Variants in RAF1 observed in about 807,000 individuals in gnomAD.
RAF1 encodes the protein Raf-1 proto-oncogene, serine/threonine kinase.
RAF1 carries 27 observed loss-of-function variants against 81.1 expected under a neutral mutation model. The observed-to-expected ratio is 0.33, with a 90% CI of 0.25 to 0.46. The LOEUF (loss-of-function observed/expected upper bound fraction) is 0.46. RAF1 is among the 20% of genes least tolerant of loss of function. The probability of loss-of-function intolerance (pLI) is 1.00; values close to 1 mark genes in which losing one functional copy is unlikely to be tolerated. For missense variants in RAF1, 598 were observed against 826.0 expected (o/e 0.72, Z 3.38); for synonymous variants, 298 against 294.0 (o/e 1.01, Z -0.14).
chr3:12,592,068 C>T (rs140776612), intron 11 of RAF1: 111 of 478,038 alleles, frequency 2.3e-4, no homozygotes, highest in Admixed American at 5.6e-4. Flanking sequence ...CCAATCTCTA[C>T]ATAATTCAAA....
intron 1 of RAF1, among the ~76,000 whole-genome samples, chr3:12,641,421 A>T (rs1464084370): frequency 6.6e-6 from 1 of 151,382 alleles, no homozygotes; most frequent in African/African-American, 2.4e-5. Context: ...AAATAGTTCC[A>T]CTTACAGGAA....
At chr3:12,595,267 G>A (rs1250139052) in intron 11 of RAF1, among the ~76,000 whole-genome samples, 2 of 151,958 alleles carry the variant, frequency 1.3e-5, no homozygotes, top group Non-Finnish European at 2.9e-5. Context: ...AGAGACAAGG[G>A]TCTCATGTTG....
intron 1 of RAF1, among the ~76,000 whole-genome samples, chr3:12,652,052 A>AAATG (rs1317170327): frequency 4.6e-5 from 6 of 130,564 alleles, no homozygotes; most frequent in African/African-American, 1.1e-4. Flanking sequence ...ATAAATAAAT[A>AAATG]AATGATATAA....
At chr3:12,602,978 CTAAG>C (rs1262236890) in intron 8 of RAF1, among the ~76,000 whole-genome samples, 4 of 152,266 alleles carry the variant, frequency 2.6e-5, no homozygotes, top group Middle Eastern at 3.4e-3. Flanking sequence ...TGAGCACCAA[CTAAG>C]TAAGTCTAAC....
At chr3:12,631,710 AC>A (rs1181729123) in intron 1 of RAF1, among the ~76,000 whole-genome samples, 3 of 152,228 alleles carry the variant, frequency 2.0e-5, no homozygotes, top group Non-Finnish European at 2.9e-5. Flanking sequence ...ACAGAAGAAC[AC>A]CCACCACAGG....
At chr3:12,632,680 T>C (rs1303298060) in intron 1 of RAF1, among the ~76,000 whole-genome samples, 1 of 152,190 alleles carries the variant, frequency 6.6e-6, no homozygotes, top group African/African-American at 2.4e-5. Flanking sequence ...CCCGAAGAGC[T>C]CTCTGAAACT....
chr3:12,635,960 G>A (rs1218092025), intron 1 of RAF1, among the ~76,000 whole-genome samples: 4 of 149,314 alleles, frequency 2.7e-5, no homozygotes, highest in Non-Finnish European at 5.9e-5. Context: ...GCGAAAGTGC[G>A]AGACTCCACC....
intron 1 of RAF1, among the ~76,000 whole-genome samples, chr3:12,656,924 G>A (rs909120128): frequency 6.6e-6 from 1 of 151,524 alleles, no homozygotes; most frequent in African/African-American, 2.4e-5. Flanking sequence ...TTGAACCCGG[G>A]AGACAGAGGT....
At chr3:12,592,238 T>C (rs971879468) in intron 11 of RAF1, among the ~76,000 whole-genome samples, 6 of 152,182 alleles carry the variant, frequency 3.9e-5, no homozygotes, top group African/African-American at 1.4e-4. Flanking sequence ...TGCATACATA[T>C]GAATGGCCTG....
At chr3:12,636,730 C>T (rs1371770640) in intron 1 of RAF1, among the ~76,000 whole-genome samples, 1 of 151,872 alleles carries the variant, frequency 6.6e-6, no homozygotes, top group Admixed American at 6.6e-5. Flanking sequence ...TCACTTGAGC[C>T]TGGGAGGTGG....
Position 12,628,913 on chromosome 3 carries a change from G to A in RAF1, c.-26-10166C>T, listed in dbSNP as rs143532939. Among the ~76,000 whole-genome samples the A allele has an allele frequency of 5.8e-3, 885 of 152,026 alleles. 13 individuals are homozygous for A. The Middle Eastern group carries it at 0.082, about 14-fold the overall frequency. ...ACTGCAGGTGTGAGCCACCATGCTG[G>A]CTAATTTTTGTATATTTAGTAGAGA... On this transcript the variant is annotated intron_variant, in intron 1 of 17. Coordinates refer to ENST00000442415, the MANE Select transcript of RAF1 (RefSeq NM_001354689.3).
At chr3:12,656,692 A>C (rs1431665860) in intron 1 of RAF1, among the ~76,000 whole-genome samples, 2 of 152,152 alleles carry the variant, frequency 1.3e-5, no homozygotes, top group Non-Finnish European at 2.9e-5. Flanking sequence ...GAGACATAAG[A>C]CATCTATACA....
chr3:12,663,459 AG>A (rs919372996), intron 1 of RAF1, among the ~76,000 whole-genome samples: 32 of 152,286 alleles, frequency 2.1e-4, no homozygotes, highest in African/African-American at 6.3e-4. Flanking sequence ...CGGCGGCCCA[AG>A]AGAAAAGGAA....
intron 2 of RAF1, among the ~76,000 whole-genome samples, chr3:12,612,386 C>T (rs561818362): frequency 5.3e-5 from 8 of 152,250 alleles, no homozygotes; most frequent in Admixed American, 2.6e-4. Flanking sequence ...CGGTGGCTCA[C>T]GCCTGTAATC....
rs202175442 is a variant in RAF1 at position 12,636,293 on chromosome 3, C to CAA, written c.-26-17548_-26-17547dup. ...AGAGCGAGACTCCATTTCAAAAAAA[C>CAA]AAAAAAAAAAACAGCTGGGTTTGGT... On this transcript the variant is annotated intron_variant, in intron 1 of 17. Coordinates refer to ENST00000442415, the MANE Select transcript of RAF1 (RefSeq NM_001354689.3). Among the ~76,000 whole-genome samples the CAA allele has an allele frequency of 4.6e-3, 639 of 138,868 alleles. 7 individuals are homozygous for CAA. Among genetic ancestry groups the CAA allele is most frequent in the East Asian group, 0.028 (131 of 4,718 alleles). The allele number at this position is 138,868 out of a possible 152,430, so 91.1% of individuals were successfully genotyped here.
At chr3:12,592,121 T>C (rs1258856241) in intron 11 of RAF1, 1 of 380,344 alleles carries the variant, frequency 2.6e-6, no homozygotes, top group African/African-American at 2.1e-5. Context: ...TCGCTACAGT[T>C]AGGCCTTCGA....
At position 12,618,681 on chromosome 3, in the gene RAF1, C is replaced by G; in HGVS notation, c.41G>C (p.Gly14Ala). The G allele has an allele frequency of 6.2e-7, 1 of 1,614,214 alleles. No individual in the cohort carries two copies. The highest frequency in any genetic ancestry group is 8.5e-7 in the Non-Finnish European group (1 of 1,180,048). ...AAACACGGCATCTTTGAATCCAAAA[C>G]CATTGCTGATCGTCTTCCAAGCTCC... The change falls in exon 2 of 18, where the codon GGT (glycine) becomes GCT (alanine). Residue 14 changes from glycine (G) to alanine (A), a missense_variant. Physicochemically the swap from Gly to Ala is moderately conservative, Grantham distance 60. Transcript: ENST00000442415.
intron 1 of RAF1, among the ~76,000 whole-genome samples, chr3:12,620,023 G>A (rs982289865): frequency 7.3e-5 from 11 of 151,688 alleles, no homozygotes; most frequent in East Asian, 3.9e-4. Context: ...CAGAGCTTGC[G>A]GTGAGCTGAG....
chr3:12,645,914 G>A (rs879623280), intron 1 of RAF1, among the ~76,000 whole-genome samples: 2 of 152,020 alleles, frequency 1.3e-5, no homozygotes, highest in African/African-American at 2.4e-5. Flanking sequence ...TGTAAATAAT[G>A]CATCAGACCT....
Sources: gnomAD v4.1 joint callset for allele counts (sites outside exome capture counted in the v4.1 genomes callset) on GRCh38, gnomAD v4.1.1 for gene constraint, MANE v1.5 for transcripts, NCBI Gene and HGNC (gene_info 2026-07-23, HGNC 2026-07-21) for gene names.